VPS45: variants seen among roughly 807,000 people sequenced by gnomAD.
The protein encoded by VPS45 is vacuolar protein sorting-associated protein 45.
VPS45 carries 35 observed loss-of-function variants against 75.9 expected under a neutral mutation model. That is an observed-to-expected ratio of 0.46 (90% CI 0.35 to 0.61). The LOEUF (loss-of-function observed/expected upper bound fraction) is 0.61. Ranked by LOEUF, VPS45 falls within the 20% of genes least tolerant of loss-of-function variation. VPS45 has a pLI of 0.00. For synonymous variants in VPS45, 220 were observed against 238.2 expected (o/e 0.92, Z 0.70); for missense variants, 559 against 685.9 (o/e 0.81, Z 2.07).
intron 14 of VPS45, among the ~76,000 whole-genome samples, chr1:150,140,229 C>G (rs1659312916): frequency 6.6e-6 from 1 of 152,148 alleles, no homozygotes; most frequent in Non-Finnish European, 1.5e-5. Context: ...AAATCTCACA[C>G]CACTACCATC....
In VPS45 at chr1:150,068,825, C is replaced by T. The variant is rs1228352080; in HGVS notation, c.228+61C>T. The T allele has an allele frequency of 2.1e-6, 3 of 1,412,242 alleles. No homozygotes were observed. The Admixed American group carries it at 7.8e-5, about 37-fold the overall frequency. The allele number at this position is 1,412,242 out of a possible 1,614,324, so 87.5% of individuals were successfully genotyped here. A position where few individuals can be genotyped will look rare whatever the true frequency, so the allele number is the denominator to read the frequency against. ...GATGCAGAACACTCTGATCTGAAAG[C>T]ATTAAGAAGGCAAAATAAATTTGTA... On this transcript the variant is annotated intron_variant, in intron 2 of 14. Coordinates refer to ENST00000644510, the MANE Select transcript of VPS45 (RefSeq NM_007259.5).
chr1:150,081,540 C>G, intron 8 of VPS45, 64 bp downstream of exon 8: 1 of 1,543,422 alleles, frequency 6.5e-7, no homozygotes. Context: ...TCAATATTGG[C>G]TTGTTAGTAT....
intron 12 of VPS45, 164 bp downstream of exon 12, chr1:150,092,573 T>A: frequency 1.9e-6 from 1 of 518,116 alleles, no homozygotes; most frequent in Non-Finnish European, 3.3e-6. Context: ...GCTTTTTCTT[T>A]TAGTGCTTTC....
intron 14 of VPS45, among the ~76,000 whole-genome samples, chr1:150,133,981 CTTTGT>C (rs201487078): frequency 2.6e-5 from 4 of 152,048 alleles, no homozygotes; most frequent in East Asian, 1.9e-4. Context: ...CTGTTTGCTT[CTTTGT>C]TTTGTTTTGT....
intron 7 of VPS45, among the ~76,000 whole-genome samples, chr1:150,080,149 G>GTTTT (rs869177411): frequency 6.9e-6 from 1 of 145,392 alleles, no homozygotes; most frequent in Non-Finnish European, 1.5e-5. Context: ...TTTGTTGTAC[G>GTTTT]TTTTTTTTTT....
intron 14 of VPS45, among the ~76,000 whole-genome samples, chr1:150,137,297 G>A (rs1047785597): frequency 2.0e-5 from 3 of 152,212 alleles, no homozygotes; most frequent in Non-Finnish European, 4.4e-5. Flanking sequence ...TGACATTTAA[G>A]CTGGGGTCTT....
intron 14 of VPS45, among the ~76,000 whole-genome samples, chr1:150,114,213 C>T (rs1657797658): frequency 6.6e-6 from 1 of 152,068 alleles, no homozygotes; most frequent in Non-Finnish European, 1.5e-5. Context: ...AATCCCATGC[C>T]TGTACTCCCA....
chr1:150,122,275 T>C (rs1204346728), intron 14 of VPS45, among the ~76,000 whole-genome samples: 1 of 151,904 alleles, frequency 6.6e-6, no homozygotes, highest in Non-Finnish European at 1.5e-5. Flanking sequence ...GAGCTGAGAT[T>C]GAGCCACTAC....
intron 3 of VPS45, among the ~76,000 whole-genome samples, chr1:150,075,525 A>G (rs1349547701): frequency 6.6e-6 from 1 of 152,162 alleles, no homozygotes; most frequent in Non-Finnish European, 1.5e-5. Flanking sequence ...GCTGATGCTC[A>G]ATGCCTGGGT....
intron 6 of VPS45, chr1:150,077,468 C>A (rs1655459430): frequency 1.4e-6 from 1 of 689,858 alleles, no homozygotes; most frequent in Non-Finnish European, 2.4e-6. Context: ...CCAGTTAAAC[C>A]ACTTATAAAA....
chr1:150,136,041 GT>G (rs1659074001), intron 14 of VPS45, among the ~76,000 whole-genome samples: 1 of 150,546 alleles, frequency 6.6e-6, no homozygotes. Flanking sequence ...CTGAGGTCAG[GT>G]GTTCAAGACC....
intron 13 of VPS45, among the ~76,000 whole-genome samples, chr1:150,100,562 A>C (rs1033270456): frequency 1.3e-5 from 2 of 152,230 alleles, no homozygotes; most frequent in African/African-American, 4.8e-5. Context: ...TGGAAGAATC[A>C]CGTTACCCAA....
Position 150,136,754 on chromosome 1 carries a change from A to AG in VPS45, c.1626-7953dup, listed in dbSNP as rs141746225. On this transcript the variant is annotated intron_variant, in intron 14 of 14. Transcript: ENST00000644510. Reference sequence around the variant, plus strand: ...TCAAGGCTGAGGAAAAGCATGATTAAGGACAGGAGCAAGATTTAAAAAAAA... The same window carrying AG: ...TCAAGGCTGAGGAAAAGCATGATTAAGGGACAGGAGCAAGATTTAAAAAAAA... Among the ~76,000 whole-genome samples, 802 of 146,146 alleles carry AG rather than the reference A, an allele frequency of 5.5e-3. 4 individuals carry two copies. Among genetic ancestry groups the AG allele is most frequent in the African/African-American group, 0.019 (761 of 40,070 alleles).
intron 13 of VPS45, among the ~76,000 whole-genome samples, chr1:150,104,822 G>C (rs1657231508): frequency 6.6e-6 from 1 of 152,156 alleles, no homozygotes; most frequent in African/African-American, 2.4e-5. Context: ...CAAGCTCCTT[G>C]GCTCAAGCGA....
chr1:150,128,436 T>G (rs1292643499), intron 14 of VPS45, among the ~76,000 whole-genome samples: 1 of 152,188 alleles, frequency 6.6e-6, no homozygotes, highest in African/African-American at 2.4e-5. Flanking sequence ...TTGTAGTGAA[T>G]ACAGCTAAGG....
rs587742750 is a variant in VPS45, at chr1:150,095,709, G to A, written c.1493+2061G>A. Among the ~76,000 whole-genome samples the A allele has an allele frequency of 4.6e-5, 7 of 152,108 alleles. No homozygotes were observed. In the South Asian group the frequency reaches 8.3e-4, roughly 18 times the overall value. ...AAGGTCTTGAAGAAAGAGAGAATTT[G>A]GCAAGTTAATGGAACAGAAGGGAGC... On this transcript the variant is annotated intron_variant, in intron 13 of 14. Coordinates refer to ENST00000644510, the MANE Select transcript of VPS45 (RefSeq NM_007259.5).
At chr1:150,134,837 A>G (rs782211460) in intron 14 of VPS45, among the ~76,000 whole-genome samples, 2 of 152,130 alleles carry the variant, frequency 1.3e-5, no homozygotes, top group African/African-American at 2.4e-5. Flanking sequence ...TATTATTACT[A>G]TTGCTCCTCT....
At chr1:150,138,667 CCT>C (rs1297977106) in intron 14 of VPS45, among the ~76,000 whole-genome samples, 1 of 152,102 alleles carries the variant, frequency 6.6e-6, no homozygotes, top group Non-Finnish European at 1.5e-5. Flanking sequence ...CCAAATGTCC[CCT>C]GAGACTAAAA....
intron 14 of VPS45, among the ~76,000 whole-genome samples, chr1:150,140,384 C>A (rs12079831): frequency 1.9e-5 from 2 of 106,188 alleles, no homozygotes. Flanking sequence ...TCCATCACTT[C>A]TGGTGTGTGT....
Sources: allele counts gnomAD v4.1 joint callset (sites outside exome capture counted in the v4.1 genomes callset), GRCh38; gene constraint gnomAD v4.1.1; transcripts MANE v1.5; gene names NCBI Gene and HGNC (gene_info 2026-07-23, HGNC 2026-07-21).